The following CNKSR2 variants were observed in gnomAD, a reference collection of about 807,000 sequenced individuals.
CNKSR2 encodes the protein CNK homolog protein 2.
A neutral mutation model predicts 84.4 loss-of-function variants in CNKSR2; 14 were observed. That is an observed-to-expected ratio of 0.17 (90% confidence interval 0.11 to 0.26). The LOEUF is 0.26. Among genes scored for constraint, CNKSR2 ranks in the 10% least tolerant of loss-of-function variants. The pLI, the probability that CNKSR2 is intolerant of heterozygous loss-of-function variation, is 1.00. For missense variants in CNKSR2, 485 were observed against 771.2 expected (o/e 0.63, Z 4.40); for synonymous variants, 275 against 277.9 (o/e 0.99, Z 0.10).
intron 1 of CNKSR2, among the ~76,000 whole-genome samples, chrX:21,398,373 A>G (rs780078660): frequency 4.5e-4 from 50 of 112,307 alleles, no homozygotes; most frequent in South Asian, 2.6e-3. Context: ...ATGTCATTGT[A>G]TGATTTTTAT....
chrX:21,408,420 G>A (rs776420252), intron 1 of CNKSR2, among the ~76,000 whole-genome samples: 20 of 111,588 alleles, frequency 1.8e-4, no homozygotes, highest in South Asian at 7.5e-4. Flanking sequence ...CACACCAGCG[G>A]AGAGCTTACT....
At chrX:21,376,343 A>G (rs986526691) in intron 1 of CNKSR2, among the ~76,000 whole-genome samples, 1 of 110,700 alleles carries the variant, frequency 9.0e-6, no homozygotes, top group Admixed American at 9.5e-5. Context: ...TTTATTCCTC[A>G]TTTACTTTGC....
At chrX:21,620,593 G>A (rs958224155) in intron 20 of CNKSR2, among the ~76,000 whole-genome samples, 4 of 110,956 alleles carry the variant, frequency 3.6e-5, no homozygotes, top group African/African-American at 1.3e-4. Context: ...CCAAAAGCAG[G>A]CATTTCATGT....
intron 20 of CNKSR2, among the ~76,000 whole-genome samples, chrX:21,621,110 C>T (rs1374663902): frequency 9.0e-6 from 1 of 111,411 alleles, no homozygotes. Context: ...CTTGAGGTGT[C>T]TTTATGCCTG....
At chrX:21,439,730 G>C (rs190105796) in intron 3 of CNKSR2, among the ~76,000 whole-genome samples, 21 of 110,622 alleles carry the variant, frequency 1.9e-4, no homozygotes, top group Non-Finnish European at 3.6e-4. Context: ...AAATGAAATA[G>C]ATACTCTGAA....
intron 20 of CNKSR2, among the ~76,000 whole-genome samples, chrX:21,623,052 T>C (rs1282687574): frequency 1.8e-5 from 2 of 111,120 alleles, no homozygotes; most frequent in Non-Finnish European, 3.8e-5. Flanking sequence ...GGTTGGACTT[T>C]TACAGATCTA....
At chrX:21,478,639 G>T (rs771194002) in intron 5 of CNKSR2, among the ~76,000 whole-genome samples, 1 of 111,602 alleles carries the variant, frequency 9.0e-6, no homozygotes, top group African/African-American at 3.3e-5. Context: ...GTCAAGTGAG[G>T]TAGAATAATA....
In CNKSR2 at chrX:21,495,872, T is replaced by G. The variant is rs192349588; in HGVS notation, c.682-1915T>G. 4.4e-3 allele frequency among the ~76,000 whole-genome samples: 456 copies of G among 103,569 alleles called. 2 individuals carry two copies. The highest frequency in any genetic ancestry group is 6.7e-3 in the Non-Finnish European group (343 of 51,252). 89.9% of individuals were successfully genotyped at this position (103,569 alleles called of 115,157 possible). A position where few individuals can be genotyped will look rare whatever the true frequency, so the allele number is the denominator to read the frequency against. On this transcript the variant is annotated intron_variant, in intron 6 of 21. Transcript: ENST00000379510. ...TTACAAATGTGCAGTCATGCTTCATTTAATGACGGGATTCCATTCCGAGAA... is the reference window on the plus strand; with the variant it reads ...TTACAAATGTGCAGTCATGCTTCATGTAATGACGGGATTCCATTCCGAGAA...
chrX:21,568,106 G>A (rs1355759315), intron 13 of CNKSR2, among the ~76,000 whole-genome samples: 1 of 110,915 alleles, frequency 9.0e-6, no homozygotes, highest in Admixed American at 9.6e-5. Context: ...TGGACAACAT[G>A]TCAAAACCCC....
chrX:21,583,809 C>T (rs1378513326), intron 13 of CNKSR2, among the ~76,000 whole-genome samples: 1 of 111,431 alleles, frequency 9.0e-6, no homozygotes, highest in Non-Finnish European at 1.9e-5. Context: ...ACCCTGCCCC[C>T]ACACTTCTCC....
intron 13 of CNKSR2, among the ~76,000 whole-genome samples, chrX:21,566,674 A>G: frequency 8.9e-6 from 1 of 111,947 alleles, no homozygotes; most frequent in Non-Finnish European, 1.9e-5. Context: ...ATTTAGTATG[A>G]ATTTAATAGC....
intron 5 of CNKSR2, among the ~76,000 whole-genome samples, chrX:21,474,138 C>T (rs1445681941): frequency 1.8e-5 from 2 of 110,598 alleles, no homozygotes; most frequent in Non-Finnish European, 3.8e-5. Flanking sequence ...GTTTAGGATG[C>T]AATTGTGAGT....
At chrX:21,479,122 A>G (rs190210343) in intron 5 of CNKSR2, among the ~76,000 whole-genome samples, 104 of 111,272 alleles carry the variant, frequency 9.3e-4, no homozygotes, top group Non-Finnish European at 1.5e-3. Context: ...ACATGTATAC[A>G]CTTTTTTTAA....
chrX:21,489,319 A>G (rs1220874837), intron 5 of CNKSR2, among the ~76,000 whole-genome samples: 1 of 111,878 alleles, frequency 8.9e-6, no homozygotes, highest in Non-Finnish European at 1.9e-5. Context: ...TTTGTCTCAG[A>G]TATTTTGGGT....
chrX:21,567,570 A>G (rs2092249585), intron 13 of CNKSR2, among the ~76,000 whole-genome samples: 1 of 111,869 alleles, frequency 8.9e-6, no homozygotes, highest in African/African-American at 3.3e-5. Context: ...ACTCCAGCTG[A>G]AAACTTCAGT....
intron 8 of CNKSR2, chrX:21,504,814 A>G (rs2091596232): frequency 3.4e-6 from 1 of 296,171 alleles, no homozygotes. Flanking sequence ...TCAAACCAAC[A>G]TACTTCTGTG....
chrX:21,380,684 G>A (rs1026288920), intron 1 of CNKSR2, among the ~76,000 whole-genome samples: 3 of 111,084 alleles, frequency 2.7e-5, no homozygotes, highest in African/African-American at 6.5e-5. Context: ...CTGACCTCAA[G>A]TGATCCACCT....
At chrX:21,522,575 G>A (rs897446848) in intron 9 of CNKSR2, among the ~76,000 whole-genome samples, 3 of 110,652 alleles carry the variant, frequency 2.7e-5, no homozygotes, top group Non-Finnish European at 5.7e-5. Flanking sequence ...AGTTTCTTAA[G>A]TATAGAAGTT....
At chrX:21,404,789 C>CAAAAAAAAAAAAAAA in intron 1 of CNKSR2, among the ~76,000 whole-genome samples, 1 of 30,084 alleles carries the variant, frequency 3.3e-5, no homozygotes, top group Non-Finnish European at 6.1e-5. Context: ...AACTCTGTCT[C>CAAAAAAAAAAAAAAA]AAAAAAAAAA....
Sources: gnomAD v4.1 joint callset for allele counts (sites outside exome capture counted in the v4.1 genomes callset) on GRCh38, gnomAD v4.1.1 for gene constraint, MANE v1.5 for transcripts, NCBI Gene and HGNC (gene_info 2026-07-23, HGNC 2026-07-21) for gene names.